METTL8: variants seen among roughly 807,000 people sequenced by gnomAD.
METTL8 encodes methyltransferase 8, tRNA N3-cytidine.
In METTL8, 32 loss-of-function variants were observed where a neutral mutation model predicts 48.7. That is an observed-to-expected ratio of 0.66 (90% CI 0.50 to 0.88). The LOEUF is 0.88. Ranked by LOEUF, METTL8 falls within the 40% of genes least tolerant of loss-of-function variation. The pLI is 0.00. For synonymous variants in METTL8, 136 were observed against 157.1 expected (o/e 0.87, Z 1.01); for missense variants, 464 against 474.4 (o/e 0.98, Z 0.20).
intron 5 of METTL8, among the ~76,000 whole-genome samples, chr2:171,333,194 G>A (rs1455133215): frequency 6.6e-6 from 1 of 151,840 alleles, no homozygotes; most frequent in African/African-American, 2.4e-5. Context: ...CGCCTCCTGG[G>A]TTCAAGCAAT....
At chr2:171,434,736 G>T, upstream of METTL8, 3 of 1,399,396 alleles carry the variant, frequency 2.1e-6, no homozygotes, top group Non-Finnish European at 2.8e-6. Context: ...GGGACGGAGG[G>T]CCGCGGGCGC....
intron 5 of METTL8, among the ~76,000 whole-genome samples, chr2:171,335,698 T>A (rs972825138): frequency 6.6e-6 from 1 of 152,196 alleles, no homozygotes; most frequent in African/African-American, 2.4e-5. Context: ...GTGCTGGGAT[T>A]ACAGGTGTGA....
intron 2 of METTL8, chr2:171,375,271 T>C (rs1686841016): frequency 2.1e-6 from 2 of 972,194 alleles, no homozygotes; most frequent in African/African-American, 1.6e-5. Context: ...CCTTCTTTTC[T>C]TTGTCATCTT....
chr2:171,389,182 TCAA>T (rs1205019742), intron 2 of METTL8, among the ~76,000 whole-genome samples: 3 of 152,124 alleles, frequency 2.0e-5, no homozygotes, highest in East Asian at 1.9e-4. Context: ...CTAGCACTAG[TCAA>T]CTTGTGAAAT....
At chr2:171,356,950 A>ATGTGTTTTTTTTTTTTT (rs1202277226) in intron 3 of METTL8, among the ~76,000 whole-genome samples, 4 of 4,744 alleles carry the variant, frequency 8.4e-4, no homozygotes, top group African/African-American at 1.2e-3. Flanking sequence ...TTCAAAGACA[A>ATGTGTTTTTTTTTTTTT]TATTTTTTTT....
intron 2 of METTL8, among the ~76,000 whole-genome samples, chr2:171,365,104 G>C (rs1685580695): frequency 6.6e-6 from 1 of 152,180 alleles, no homozygotes. Context: ...GGGGAGCCAT[G>C]GGCGGCATCT....
At chr2:171,373,195 A>G (rs1264808362) in intron 2 of METTL8, among the ~76,000 whole-genome samples, 2 of 152,166 alleles carry the variant, frequency 1.3e-5, no homozygotes, top group African/African-American at 2.4e-5. Flanking sequence ...GTGAGATGGT[A>G]TCTCATTGTG....
intron 3 of METTL8, among the ~76,000 whole-genome samples, chr2:171,351,300 C>G (rs1024672285): frequency 9.2e-5 from 14 of 152,058 alleles, no homozygotes; most frequent in African/African-American, 3.1e-4. Context: ...TCTGAGGGCT[C>G]TGTTCTGTTC....
intron 1 of METTL8, among the ~76,000 whole-genome samples, chr2:171,423,623 T>G (rs1692100680): frequency 6.6e-6 from 1 of 152,210 alleles, no homozygotes; most frequent in Non-Finnish European, 1.5e-5. Context: ...GCAAAGATAC[T>G]GGAGGCATTT....
At position 171,374,953 on chromosome 2, in the gene METTL8, C is replaced by T. The variant is rs979746082; in HGVS notation, c.144-14440G>A. On this transcript the variant is annotated intron_variant, in intron 2 of 9. Transcript: ENST00000375258. Reference sequence around the variant, plus strand: ...TCCTTACATGGGCTTTGGTGGGGGACGTGGGGCAGCACCCACAGGTCTAAA... The same window carrying T: ...TCCTTACATGGGCTTTGGTGGGGGATGTGGGGCAGCACCCACAGGTCTAAA... 382 of 1,269,898 alleles carry T rather than the reference C, an allele frequency of 3.0e-4. 1 individual carries two copies. The highest frequency in any genetic ancestry group is 2.4e-4 in the Admixed American group (14 of 59,508). 78.7% of individuals were successfully genotyped at this position (1,269,898 alleles called of 1,614,324 possible).
intron 1 of METTL8, among the ~76,000 whole-genome samples, chr2:171,394,964 C>T (rs994690767): frequency 4.6e-5 from 7 of 152,262 alleles, no homozygotes; most frequent in Admixed American, 1.3e-4. Context: ...AAATTAACTA[C>T]GATGATTAAC....
chr2:171,406,316 T>A (rs1260632986), intron 1 of METTL8, among the ~76,000 whole-genome samples: 1 of 152,204 alleles, frequency 6.6e-6, no homozygotes, highest in African/African-American at 2.4e-5. Context: ...CTGTTATGTA[T>A]GAAAGAGGGG....
At chr2:171,419,717 C>T (rs528004613) in intron 1 of METTL8, among the ~76,000 whole-genome samples, 6 of 152,214 alleles carry the variant, frequency 3.9e-5, no homozygotes, top group Non-Finnish European at 7.4e-5. Context: ...TGTCACTCTG[C>T]ATTCCATCCT....
At chr2:171,401,844 C>G (rs560809225) in intron 1 of METTL8, among the ~76,000 whole-genome samples, 1 of 148,910 alleles carries the variant, frequency 6.7e-6, no homozygotes, top group South Asian at 2.2e-4. Flanking sequence ...CTATCTCTGA[C>G]TTCTTGCTAG....
At chr2:171,350,791 C>T (rs891244243) in intron 3 of METTL8, among the ~76,000 whole-genome samples, 1 of 152,150 alleles carries the variant, frequency 6.6e-6, no homozygotes, top group Non-Finnish European at 1.5e-5. Flanking sequence ...ATATCCTTTG[C>T]CCACTTTTTG....
At chr2:171,335,973 T>C (rs1483445620) in intron 5 of METTL8, among the ~76,000 whole-genome samples, 1 of 152,154 alleles carries the variant, frequency 6.6e-6, no homozygotes, top group Admixed American at 6.5e-5. Flanking sequence ...GCTTGGCAGA[T>C]TGGCCATAGA....
At chr2:171,336,152 A>G (rs1277282257) in intron 5 of METTL8, among the ~76,000 whole-genome samples, 2 of 151,624 alleles carry the variant, frequency 1.3e-5, no homozygotes, top group Non-Finnish European at 2.9e-5. Flanking sequence ...GCTGGAGTGC[A>G]GTGGCGCATC....
In METTL8 at chr2:171,378,706, A is replaced by G. The variant is rs901208602; in HGVS notation, c.143+13337T>C. Among the ~76,000 whole-genome samples, 4 of 152,166 alleles carry G rather than the reference A, an allele frequency of 2.6e-5. No individual in the cohort carries two copies. The South Asian group carries it at 8.3e-4, about 32-fold the overall frequency. Reference sequence around the variant, plus strand: ...AGGGATCAATTCACAAAGAAAAGCTAACTATCCTAAATATATATGAACCCA... The same window carrying G: ...AGGGATCAATTCACAAAGAAAAGCTGACTATCCTAAATATATATGAACCCA... On this transcript the variant is annotated intron_variant, in intron 2 of 9. Coordinates refer to ENST00000375258, the MANE Select transcript of METTL8 (RefSeq NM_001321154.2).
chr2:171,382,945 G>A (rs1228655203), intron 2 of METTL8, among the ~76,000 whole-genome samples: 4 of 151,564 alleles, frequency 2.6e-5, no homozygotes, highest in Admixed American at 6.6e-5. Flanking sequence ...GTGGTGGCGG[G>A]CGCCTGTAAT....
Sources: allele counts gnomAD v4.1 joint callset (sites outside exome capture counted in the v4.1 genomes callset), GRCh38; gene constraint gnomAD v4.1.1; transcripts MANE v1.5; gene names NCBI Gene and HGNC (gene_info 2026-07-23, HGNC 2026-07-21).